CSGALNACT1: variants seen among roughly 807,000 people sequenced by gnomAD.
The protein encoded by CSGALNACT1 is chondroitin sulfate N-acetylgalactosaminyltransferase 1, also known as beta4GalNAcT-1.
In CSGALNACT1, 52 loss-of-function variants were observed where a neutral mutation model predicts 51.0. That is an observed-to-expected ratio of 1.02 (90% CI 0.82 to 1.29). CSGALNACT1 has a LOEUF of 1.29. Among genes scored for constraint, CSGALNACT1 ranks in the 50% most tolerant of loss-of-function variants. The pLI is 0.00. For missense variants in CSGALNACT1, 935 were observed against 679.2 expected (o/e 1.38, Z -4.19); for synonymous variants, 341 against 254.4 (o/e 1.34, Z -3.24).
chr8:19,405,983 G>A (rs1049574751), exon 10 of CSGALNACT1: 8 of 1,614,054 alleles, frequency 5.0e-6, no homozygotes, highest in East Asian at 2.2e-5. Flanking sequence ...ACAGGCGTCC[G>A]TACCACTATG....
At chr8:19,420,380 T>A (rs2057722264) in exon 7 of CSGALNACT1, 1 of 1,614,210 alleles carries the variant, frequency 6.2e-7, no homozygotes, top group African/African-American at 1.3e-5. Flanking sequence ...GGAATTCAGA[T>A]GTGAAGTAGA....
chr8:19,597,070 C>T (rs984182257), intron 2 of CSGALNACT1, among the ~76,000 whole-genome samples: 1 of 152,090 alleles, frequency 6.6e-6, no homozygotes, highest in African/African-American at 2.4e-5. Flanking sequence ...CTCTAGGGAC[C>T]ACATATTAGT....
intron 1 of CSGALNACT1, among the ~76,000 whole-genome samples, chr8:19,611,526 G>A (rs188065947): frequency 6.6e-6 from 1 of 152,332 alleles, no homozygotes; most frequent in African/African-American, 2.4e-5. Context: ...CTATGTTACA[G>A]ATAAGGACAC....
At chr8:19,468,455 G>C (rs1169916454) in intron 4 of CSGALNACT1, among the ~76,000 whole-genome samples, 2 of 152,166 alleles carry the variant, frequency 1.3e-5, no homozygotes, top group East Asian at 1.9e-4. Context: ...CTAGAGGAAA[G>C]GGGAGCCGGG....
chr8:19,492,368 G>A (rs2074534850), intron 4 of CSGALNACT1, among the ~76,000 whole-genome samples: 1 of 152,214 alleles, frequency 6.6e-6, no homozygotes, highest in African/African-American at 2.4e-5. Flanking sequence ...GTGAATGTTT[G>A]TTGAGTAATT....
intron 1 of CSGALNACT1, among the ~76,000 whole-genome samples, chr8:19,645,557 G>A (rs2057190234): frequency 6.6e-6 from 1 of 152,176 alleles, no homozygotes; most frequent in Non-Finnish European, 1.5e-5. Context: ...CAGATAACAA[G>A]GAACCTCGAA....
rs150581495 is a variant in CSGALNACT1, at chr8:19,652,931, G to A, written c.-544+29542C>T. Among the ~76,000 whole-genome samples the A allele has an allele frequency of 2.9e-3, 434 of 151,948 alleles. 6 individuals carry two copies. The South Asian group carries it at 0.049, about 17-fold the overall frequency. On this transcript the variant is annotated intron_variant, in intron 1 of 9. Transcript: ENST00000332246. ...TGTGGCCTTCCAGCTTTCCTTACAC[G>A]CTCTTTCCCTCTACCCTCAAATTTT...
At chr8:19,659,902 G>A (rs936992990) in intron 1 of CSGALNACT1, among the ~76,000 whole-genome samples, 1 of 152,200 alleles carries the variant, frequency 6.6e-6, no homozygotes, top group African/African-American at 2.4e-5. Context: ...AGAGATGGCA[G>A]CAAATCATGG....
chr8:19,505,759 T>C (rs1563786906), exon 4 of CSGALNACT1: 5 of 1,614,068 alleles, frequency 3.1e-6, no homozygotes, highest in East Asian at 2.2e-5. Context: ...AGGACAGAGA[T>C]AGCACAGCAG....
intron 1 of CSGALNACT1, among the ~76,000 whole-genome samples, chr8:19,657,433 A>C (rs369993433): frequency 1.1e-4 from 16 of 152,220 alleles, no homozygotes; most frequent in African/African-American, 3.9e-4. Flanking sequence ...TTGACAAAAA[A>C]CATCAATCTA....
chr8:19,723,234 G>A (rs865814842), intron 1 of CSGALNACT1, among the ~76,000 whole-genome samples: 16 of 152,074 alleles, frequency 1.1e-4, no homozygotes, highest in African/African-American at 3.6e-4. Flanking sequence ...ATATTTGAAG[G>A]AACTTATATT....
At position 19,666,943 on chromosome 8, in the gene CSGALNACT1, AAAAGAAAGAAAGAAAGAAAG is replaced by A. The variant is rs1159962282; in HGVS notation, c.-544+15510_-544+15529del. Among the ~76,000 whole-genome samples the A allele has an allele frequency of 2.2e-3, 173 of 79,416 alleles. 3 individuals carry two copies. The highest frequency in any genetic ancestry group is 5.9e-3 in the Middle Eastern group (1 of 170). The allele number at this position is 79,416 out of a possible 152,430, so 52.1% of individuals were successfully genotyped here. A position where few individuals can be genotyped will look rare whatever the true frequency, so the allele number is the denominator to read the frequency against. On this transcript the variant is annotated intron_variant, in intron 1 of 9. Transcript: ENST00000332246. ...GAAGGGAGAGACAGAGAGAGAGAGA[AAAAGAAAGAAAGAAAGAAAG>A]AAAGAAAGAAAGAAAGAAAGAAAGA...
At chr8:19,505,389 T>A (rs1367856934) in exon 4 of CSGALNACT1, 1 of 1,614,202 alleles carries the variant, frequency 6.2e-7, no homozygotes, top group Admixed American at 1.7e-5. Context: ...AGTAAAGCTA[T>A]CGAAAGGCAC....
At chr8:19,708,756 C>G (rs1255080920) in intron 1 of CSGALNACT1, among the ~76,000 whole-genome samples, 1 of 152,116 alleles carries the variant, frequency 6.6e-6, no homozygotes, top group East Asian at 1.9e-4. Context: ...CTGTTTAAAC[C>G]AACAAGAACA....
At chr8:19,713,068 A>C (rs1221265978) in intron 1 of CSGALNACT1, among the ~76,000 whole-genome samples, 1 of 152,100 alleles carries the variant, frequency 6.6e-6, no homozygotes, top group Admixed American at 6.5e-5. Context: ...CTTTCAGAAA[A>C]CATTGCCTGA....
chr8:19,694,928 G>A (rs2061510178), intron 1 of CSGALNACT1, among the ~76,000 whole-genome samples: 1 of 152,144 alleles, frequency 6.6e-6, no homozygotes, highest in African/African-American at 2.4e-5. Flanking sequence ...GCACACAGAG[G>A]CCCCATGTCT....
At chr8:19,653,492 A>G (rs1408323383) in intron 1 of CSGALNACT1, among the ~76,000 whole-genome samples, 1 of 152,148 alleles carries the variant, frequency 6.6e-6, no homozygotes, top group Non-Finnish European at 1.5e-5. Context: ...GTTGAGAACC[A>G]AATCACAATC....
intron 3 of CSGALNACT1, among the ~76,000 whole-genome samples, chr8:19,507,528 G>GAAAAAAAAAAAAAA (rs35759799): frequency 6.7e-5 from 5 of 74,890 alleles, no homozygotes; most frequent in African/African-American, 2.8e-4. Flanking sequence ...ATCTTAGCCA[G>GAAAAAAAAAAAAAA]AAAAAAAAAA....
intron 1 of CSGALNACT1, among the ~76,000 whole-genome samples, chr8:19,665,344 T>C (rs189955304): frequency 9.1e-4 from 139 of 152,324 alleles, no homozygotes; most frequent in African/African-American, 3.3e-3. Flanking sequence ...TTACATTAAA[T>C]GCCACGGCTC....
Sources: allele counts gnomAD v4.1 joint callset (sites outside exome capture counted in the v4.1 genomes callset), GRCh38; gene constraint gnomAD v4.1.1; transcripts MANE v1.5; gene names NCBI Gene and HGNC (gene_info 2026-07-23, HGNC 2026-07-21).